Variants in PRR11 observed in about 807,000 individuals in gnomAD.
PRR11 encodes proline rich 11.
In PRR11, 30 loss-of-function variants were observed where a neutral mutation model predicts 45.6. The observed-to-expected ratio is 0.66, with a 90% CI of 0.49 to 0.89. PRR11 has a LOEUF of 0.89. PRR11 is among the 40% of genes least tolerant of loss of function. The probability of loss-of-function intolerance (pLI) is 0.00; values close to 1 mark genes in which losing one functional copy is unlikely to be tolerated. For missense variants in PRR11, 373 were observed against 424.8 expected, an observed-to-expected ratio of 0.88 and a Z score of 1.07; for synonymous variants, 128 against 153.5, an observed-to-expected ratio of 0.83 and a Z score of 1.23.
In PRR11 at chr17:59,195,444, G is replaced by A; in HGVS notation, c.857+1G>A. On this transcript the variant is annotated splice_donor_variant, in intron 7 of 9. Transcript: ENST00000262293. LOFTEE classifies it high-confidence loss of function. ...CGACTCGAGTTACAAACGTCTTAAT[G>A]TAAGGAACTGCACAGTACTATGCTC... 6.4e-7 allele frequency: 1 copy of A among 1,564,198 alleles called. No homozygotes were observed. Among genetic ancestry groups the A allele is most frequent in the Non-Finnish European group, 8.8e-7 (1 of 1,135,152 alleles).
rs376966330 is a variant in PRR11 at position 59,185,051 on chromosome 17, C to T, written c.129-3C>T. ...TATTTGTTTCATTTTGTTTTTCCTA[C>T]AGAGTCGGTATTTCTTCAATAGATA... On this transcript the variant is annotated splice_polypyrimidine_tract_variant and splice_region_variant and intron_variant, in intron 2 of 9. Transcript: ENST00000262293. 5 of 1,611,796 alleles carry T rather than the reference C, an allele frequency of 3.1e-6. No individual in the cohort carries two copies. The highest frequency in any genetic ancestry group is 1.6e-4 in the Middle Eastern group (1 of 6,064).
chr17:59,201,585 C>G lies in PRR11; in HGVS notation c.1037C>G (p.Thr346Ser). The G allele has an allele frequency of 6.2e-7, 1 of 1,612,958 alleles. No homozygotes were observed. The highest frequency in any genetic ancestry group is 8.5e-7 in the Non-Finnish European group (1 of 1,179,976). Reference protein sequence around the residue: ...KFQLAHPRSPTPTLPLSTSSF... With the variant: ...KFQLAHPRSPSPTLPLSTSSF... ...TAGCTGGCTCACCCTAGAAGCCCAA[C>G]TCCAACTCTGCCACTTTCTACAAGC... Residue 346 changes from threonine to serine, a missense_variant, in exon 10 of 10, where the codon ACT (threonine) becomes AGT (serine). Coordinates refer to ENST00000262293, the MANE Select transcript of PRR11 (RefSeq NM_018304.4).
intron 2 of PRR11, among the ~76,000 whole-genome samples, chr17:59,180,490 G>A (rs1299043849): frequency 4.0e-5 from 5 of 125,758 alleles, no homozygotes; most frequent in African/African-American, 1.5e-4. Context: ...TTCTGGGCCC[G>A]TCCTTGTTTT....
intron 2 of PRR11, chr17:59,180,002 A>C: frequency 9.7e-7 from 1 of 1,026,658 alleles, no homozygotes. Flanking sequence ...TCTCCAAGCC[A>C]TCTTTCCGTC....
intron 2 of PRR11, chr17:59,181,680 G>A: frequency 6.5e-7 from 1 of 1,545,272 alleles, no homozygotes; most frequent in East Asian, 2.3e-5. Flanking sequence ...CCTCAGATTG[G>A]TCCGACCACT....
At chr17:59,193,439 C>G in intron 4 of PRR11, 53 bp from the exon 5 acceptor site, 1 of 1,605,928 alleles carries the variant, frequency 6.2e-7, no homozygotes. Context: ...CTCTCACCCT[C>G]AAGAATCAAA....
chr17:59,176,213 G>A (rs999989990), intron 2 of PRR11, among the ~76,000 whole-genome samples: 2 of 152,146 alleles, frequency 1.3e-5, no homozygotes, highest in Non-Finnish European at 2.9e-5. Flanking sequence ...GAGCGGTGAA[G>A]CCACACCAGG....
At chr17:59,160,758 G>C (rs1370721420) in intron 1 of PRR11, 1 of 152,022 alleles carries the variant, frequency 6.6e-6, no homozygotes, top group Non-Finnish European at 1.5e-5. Flanking sequence ...TTTGGAAACA[G>C]TTTCTCGCTC....
intron 2 of PRR11, among the ~76,000 whole-genome samples, chr17:59,179,370 C>A (rs2046768022): frequency 6.6e-6 from 1 of 152,256 alleles, no homozygotes; most frequent in Admixed American, 6.5e-5. Context: ...GTCCTGAGTT[C>A]AAGCAATCCT....
Position 59,197,593 on chromosome 17 carries a change from G to T in PRR11, c.907G>T (p.Asp303Tyr). Reference protein sequence around the residue: ...MDLRKLLRKVDVERSPGGTPL... With the variant: ...MDLRKLLRKVYVERSPGGTPL... ...TCTGCGGAAACTGCTTAGAAAAGTC[G>T]ATGTAGAGAGGTAATACACTCTCAT... Residue 303 changes from aspartate (D) to tyrosine (Y), a missense_variant, in exon 8 of 10, where the codon GAT becomes TAT. By Grantham distance (160) the Asp-to-Tyr change is radical. Transcript: ENST00000262293. 6.2e-7 allele frequency: 1 copy of T among 1,613,680 alleles called. No homozygotes were observed. Among genetic ancestry groups the T allele is most frequent in the Non-Finnish European group, 8.5e-7 (1 of 1,179,616 alleles).
chr17:59,181,647 C>T, intron 2 of PRR11: 2 of 1,515,274 alleles, frequency 1.3e-6, no homozygotes, highest in Non-Finnish European at 9.0e-7. Flanking sequence ...CGAGCTCCTT[C>T]TCTGGCGCCT....
At chr17:59,164,045 G>T (rs1401017648) in intron 1 of PRR11, among the ~76,000 whole-genome samples, 1 of 152,082 alleles carries the variant, frequency 6.6e-6, no homozygotes, top group South Asian at 2.1e-4. Context: ...CTCCAGCCTG[G>T]GCGACAGAGT....
intron 7 of PRR11, among the ~76,000 whole-genome samples, chr17:59,197,027 T>G (rs2046869444): frequency 6.6e-6 from 1 of 151,490 alleles, no homozygotes; most frequent in Non-Finnish European, 1.5e-5. Flanking sequence ...TTTCGTATTT[T>G]TAGTAGAGAT....
At chr17:59,180,825 AG>A (rs1250787908) in intron 2 of PRR11, among the ~76,000 whole-genome samples, 1 of 150,516 alleles carries the variant, frequency 6.6e-6, no homozygotes, top group Non-Finnish European at 1.5e-5. Flanking sequence ...CTTTTGAAAC[AG>A]GGTTTTGTTC....
At chr17:59,179,785 C>G (rs2046770660) in intron 2 of PRR11, 7 of 1,369,600 alleles carry the variant, frequency 5.1e-6, no homozygotes, top group Non-Finnish European at 7.1e-6. Context: ...CCTTCTCTGG[C>G]TCCTCCTCCG....
At chr17:59,177,180 T>TA in intron 2 of PRR11, 1 of 548,994 alleles carries the variant, frequency 1.8e-6, no homozygotes, top group Non-Finnish European at 3.7e-6. Flanking sequence ...GAGCCAGGAA[T>TA]AAATGAATGC....
chr17:59,176,821 C>T (rs1219949152), intron 2 of PRR11, among the ~76,000 whole-genome samples: 1 of 150,634 alleles, frequency 6.6e-6, no homozygotes, highest in Non-Finnish European at 1.5e-5. Context: ...CTGAGCCTCC[C>T]GAGTAGTTTG....
intron 1 of PRR11, among the ~76,000 whole-genome samples, chr17:59,160,296 C>T (rs1042063065): frequency 1.3e-5 from 2 of 152,134 alleles, no homozygotes; most frequent in Non-Finnish European, 2.9e-5. Flanking sequence ...TATAGTAGAG[C>T]CATGATTTGA....
intron 2 of PRR11, among the ~76,000 whole-genome samples, chr17:59,170,577 T>G (rs1599693654): frequency 6.6e-6 from 1 of 151,902 alleles, no homozygotes; most frequent in African/African-American, 2.4e-5. Context: ...CTTCTATTAT[T>G]TTTCTTTTTA....
Sources: allele counts gnomAD v4.1 joint callset (sites outside exome capture counted in the v4.1 genomes callset), GRCh38; gene constraint gnomAD v4.1.1; transcripts MANE v1.5; gene names NCBI Gene and HGNC (gene_info 2026-07-23, HGNC 2026-07-21).